The following TULP4 variants were observed in gnomAD, a reference collection of about 807,000 sequenced individuals.
TULP4 encodes TUB like protein 4.
Under a neutral mutation model 129.0 loss-of-function variants are expected in TULP4, and 16 were observed. The observed-to-expected ratio is 0.12, with a 90% confidence interval of 0.08 to 0.19. The LOEUF is 0.19. Among genes scored for constraint, TULP4 ranks in the 10% least tolerant of loss-of-function variants. The pLI is 1.00. For missense variants in TULP4, 1,842 were observed against 2,059.1 expected (o/e 0.89, Z 2.04); for synonymous variants, 998 against 854.0 (o/e 1.17, Z -2.94).
chr6:158,415,585 C>G (rs1168985518), intron 2 of TULP4, among the ~76,000 whole-genome samples: 1 of 149,664 alleles, frequency 6.7e-6, no homozygotes, highest in Non-Finnish European at 1.5e-5. Context: ...TGGTCTCGAT[C>G]TCCTGACCTC....
At chr6:158,429,688 T>A (rs751698127) in intron 2 of TULP4, 48 bp from the exon 3 acceptor site, 56 of 1,581,272 alleles carry the variant, frequency 3.5e-5, no homozygotes, top group Non-Finnish European at 4.7e-5. Context: ...GATAAAATGT[T>A]TTCCTTTTCA....
chr6:158,501,576 GT>G, intron 12 of TULP4, 101 bp from the exon 13 acceptor site: 1 of 1,216,834 alleles, frequency 8.2e-7, no homozygotes. Flanking sequence ...TTTGCATTTT[GT>G]TTACAGAAGG....
rs188689652 is a variant in TULP4 at position 158,273,067 on chromosome 6, T to G, written n.69-38984T>G. Among the ~76,000 whole-genome samples the G allele has an allele frequency of 1.6e-3, 238 of 152,330 alleles. 2 individuals are homozygous for G. The highest frequency in any genetic ancestry group is 5.1e-3 in the African/African-American group (213 of 41,576). On this transcript the variant is annotated intron_variant and non_coding_transcript_variant, in intron 1 of 1. Coordinates refer to the TULP4 transcript ENST00000620026. Reference sequence around the variant, plus strand: ...CACTGGAGCTTGAGCCTGGGTCTCTTGAGTCCAAGGACAGAGTTTTTCCCA... The same window carrying G: ...CACTGGAGCTTGAGCCTGGGTCTCTGGAGTCCAAGGACAGAGTTTTTCCCA...
intron 1 of TULP4, among the ~76,000 whole-genome samples, chr6:158,349,977 C>T (rs1343253630): frequency 8.7e-5 from 11 of 126,354 alleles, no homozygotes; most frequent in South Asian, 2.8e-4. Context: ...ACCTCCCAAA[C>T]GGGGCGGCCG....
At chr6:158,237,237 A>G in intron 1 of TULP4, 1 of 810,308 alleles carries the variant, frequency 1.2e-6, no homozygotes, top group Non-Finnish European at 2.1e-6. Flanking sequence ...TATGGAGATG[A>G]AGAGGGAGCA....
rs556186591 is a variant in TULP4, at chr6:158,313,066, G to A, written c.-951G>A. On this transcript the variant is annotated 5_prime_UTR_variant, in exon 1 of 14. Transcript: ENST00000367097. Reference sequence around the variant, plus strand: ...TAACTGGGGGAGCGAGAAGGGAGACGAGCAAAAGAAACAAAATCTTGCCAC... The same window carrying A: ...TAACTGGGGGAGCGAGAAGGGAGACAAGCAAAAGAAACAAAATCTTGCCAC... 116 of 162,180 alleles carry A rather than the reference G, an allele frequency of 7.2e-4. No homozygotes were observed. Among genetic ancestry groups the A allele is most frequent in the African/African-American group, 2.6e-3 (108 of 42,024 alleles). The allele number at this position is 162,180 out of a possible 1,614,324, so 10.0% of individuals were successfully genotyped here.
chr6:158,249,491 C>T (rs1778097434), intron 1 of TULP4, among the ~76,000 whole-genome samples: 1 of 152,160 alleles, frequency 6.6e-6, no homozygotes, highest in Non-Finnish European at 1.5e-5. Context: ...CTCTGAGGGA[C>T]TTGGGAATAA....
intron 1 of TULP4, among the ~76,000 whole-genome samples, chr6:158,400,020 G>A (rs1777805472): frequency 6.6e-6 from 1 of 152,210 alleles, no homozygotes; most frequent in South Asian, 2.1e-4. Flanking sequence ...GTAGGCTGTT[G>A]TCTAATTGTC....
chr6:158,253,272 A>G (rs1418422534), intron 1 of TULP4, among the ~76,000 whole-genome samples: 1 of 152,234 alleles, frequency 6.6e-6, no homozygotes, highest in Non-Finnish European at 1.5e-5. Context: ...ATCACCCTCC[A>G]GGATCTAGGT....
intron 1 of TULP4, among the ~76,000 whole-genome samples, 185 bp downstream of exon 1, chr6:158,314,453 C>T (rs1035338321): frequency 2.6e-5 from 4 of 152,250 alleles, no homozygotes; most frequent in Admixed American, 6.5e-5. Context: ...TCACAGTAGG[C>T]TGCGCCTCCC....
At chr6:158,442,616 A>G (rs962285345) in intron 3 of TULP4, among the ~76,000 whole-genome samples, 2 of 152,150 alleles carry the variant, frequency 1.3e-5, no homozygotes, top group Non-Finnish European at 2.9e-5. Context: ...ATAGGGCTAT[A>G]TTCCTGAAGT....
intron 1 of TULP4, among the ~76,000 whole-genome samples, chr6:158,383,613 A>G (rs1183558246): frequency 6.6e-6 from 1 of 152,212 alleles, no homozygotes; most frequent in Admixed American, 6.5e-5. Flanking sequence ...GTGAGTCCAC[A>G]GTGATTGGGA....
intron 8 of TULP4, among the ~76,000 whole-genome samples, chr6:158,482,965 G>A (rs778021983): frequency 6.6e-6 from 1 of 152,066 alleles, no homozygotes; most frequent in Non-Finnish European, 1.5e-5. Flanking sequence ...ACTCATTTGC[G>A]CACAATCCTT....
intron 1 of TULP4, among the ~76,000 whole-genome samples, chr6:158,273,664 T>G (rs1777576735): frequency 6.6e-6 from 1 of 152,228 alleles, no homozygotes; most frequent in Admixed American, 6.5e-5. Flanking sequence ...TTCATAACTG[T>G]AATAGCTGAC....
chr6:158,505,127 C>G (rs557848295), intron 13 of TULP4, among the ~76,000 whole-genome samples: 2 of 152,182 alleles, frequency 1.3e-5, no homozygotes, highest in Non-Finnish European at 2.9e-5. Flanking sequence ...GTTCTCGAAC[C>G]GGATGTTATC....
rs571661893 is a variant in TULP4, at chr6:158,502,504, C to T, written c.2841C>T (p.Thr947=). The T allele has an allele frequency of 8.7e-5, 140 of 1,612,850 alleles. 1 individual carries two copies. The highest frequency in any genetic ancestry group is 2.0e-4 in the East Asian group (9 of 44,860). ...GCAGTGCCACCCTGAACCGCCTGAC[C>T]GTCCCTCGCTACTCCATCCCCACCG... ...PCSSATLNRL[T]VPRYSIPTGD... The change falls in exon 13 of 14, where the codon ACC becomes ACT. Residue 947 remains threonine, a synonymous_variant. Coordinates refer to ENST00000367097, the MANE Select transcript of TULP4 (RefSeq NM_020245.5).
chr6:158,379,103 G>A (rs985401214), intron 1 of TULP4, among the ~76,000 whole-genome samples: 2 of 152,186 alleles, frequency 1.3e-5, no homozygotes, highest in Admixed American at 6.5e-5. Context: ...CCAGGCTGGC[G>A]GCATAGGTGT....
intron 6 of TULP4, among the ~76,000 whole-genome samples, chr6:158,463,859 C>T (rs868547613): frequency 3.3e-5 from 5 of 151,856 alleles, no homozygotes; most frequent in South Asian, 4.2e-4. Context: ...TAAAATTTAT[C>T]GTCTTAACCA....
rs914333798 is a variant in TULP4, at chr6:158,448,988, G to T, written c.544-8G>T. 1.2e-6 allele frequency: 2 copies of T among 1,602,318 alleles called. No individual in the cohort carries two copies. The highest frequency in any genetic ancestry group is 1.7e-6 in the Non-Finnish European group (2 of 1,172,126). Reference sequence around the variant, plus strand: ...CACTTGGTCAGAGGTCCCCATCCTGGATTGCAGGTGCTGTTTGGCACGGCC... The same window carrying T: ...CACTTGGTCAGAGGTCCCCATCCTGTATTGCAGGTGCTGTTTGGCACGGCC... On this transcript the variant is annotated splice_region_variant and splice_polypyrimidine_tract_variant and intron_variant, in intron 3 of 13. Transcript: ENST00000367097.
Sources: allele counts gnomAD v4.1 joint callset (sites outside exome capture counted in the v4.1 genomes callset), GRCh38; gene constraint gnomAD v4.1.1; transcripts MANE v1.5; gene names NCBI Gene and HGNC (gene_info 2026-07-23, HGNC 2026-07-21).